Variants in TRPC4 observed in about 807,000 individuals in gnomAD.
TRPC4 encodes transient receptor potential cation channel subfamily C member 4.
TRPC4 carries 49 observed loss-of-function variants against 99.4 expected under a neutral mutation model. That is an observed-to-expected ratio of 0.49 (90% CI 0.39 to 0.63). TRPC4 has a LOEUF of 0.63. TRPC4 is among the 20% of genes least tolerant of loss of function. The pLI, the probability that TRPC4 is intolerant of heterozygous loss-of-function variation, is 0.00. For synonymous variants in TRPC4, 454 were observed against 425.9 expected, an observed-to-expected ratio of 1.07 and a Z score of -0.81; for missense variants, 898 against 1,152.9, an observed-to-expected ratio of 0.78 and a Z score of 3.20.
chr13:37,709,014 T>A (rs1184374812), intron 3 of TRPC4, among the ~76,000 whole-genome samples: 1 of 151,992 alleles, frequency 6.6e-6, no homozygotes, highest in African/African-American at 2.4e-5. Context: ...CTGTACAATT[T>A]ATAGGTCTTC....
intron 6 of TRPC4, among the ~76,000 whole-genome samples, chr13:37,663,189 A>G (rs1952510831): frequency 6.6e-6 from 1 of 152,244 alleles, no homozygotes; most frequent in African/African-American, 2.4e-5. Flanking sequence ...GTCATTTAGA[A>G]GAAAAGATGA....
chr13:37,745,015 A>T (rs552721203), intron 3 of TRPC4, among the ~76,000 whole-genome samples: 1 of 152,276 alleles, frequency 6.6e-6, no homozygotes, highest in African/African-American at 2.4e-5. Context: ...TGAGCAAGAT[A>T]TGAGAAAAGT....
chr13:37,807,670 C>A (rs1957562113), intron 1 of TRPC4, among the ~76,000 whole-genome samples: 1 of 151,960 alleles, frequency 6.6e-6, no homozygotes, highest in African/African-American at 2.4e-5. Context: ...AATAAATTAA[C>A]CTATGGAAGT....
chr13:37,702,563 G>A (rs1473462897), intron 3 of TRPC4, among the ~76,000 whole-genome samples: 3 of 152,140 alleles, frequency 2.0e-5, no homozygotes, highest in East Asian at 3.8e-4. Flanking sequence ...AAATATCACA[G>A]TGGTGAATTG....
intron 1 of TRPC4, among the ~76,000 whole-genome samples, chr13:37,789,990 T>C (rs1957074327): frequency 6.6e-6 from 1 of 152,076 alleles, no homozygotes; most frequent in Non-Finnish European, 1.5e-5. Flanking sequence ...AAAACATGCA[T>C]ATTAATCTCT....
chr13:37,746,781 C>T (rs1457545774), intron 2 of TRPC4, among the ~76,000 whole-genome samples: 6 of 152,034 alleles, frequency 3.9e-5, no homozygotes. Flanking sequence ...CCAGCTGACA[C>T]TATTTTCTTT....
chr13:37,665,840 C>CAAA (rs1168472231), intron 5 of TRPC4, among the ~76,000 whole-genome samples: 64 of 70,930 alleles, frequency 9.0e-4, no homozygotes, highest in African/African-American at 1.4e-3. Context: ...TCAGCTGAGA[C>CAAA]AAAAAAAAAA....
intron 9 of TRPC4, 46 bp from the exon 10 acceptor site, chr13:37,639,175 A>C (rs1298186423): frequency 1.9e-6 from 3 of 1,612,582 alleles, no homozygotes; most frequent in African/African-American, 1.3e-5. Flanking sequence ...TGAGTAAATA[A>C]ATTTCCTCCT....
At chr13:37,798,930 A>G (rs984278887) in intron 1 of TRPC4, among the ~76,000 whole-genome samples, 2 of 88,082 alleles carry the variant, frequency 2.3e-5, no homozygotes, top group Non-Finnish European at 4.1e-5. Flanking sequence ...AAAGGGAGGT[A>G]ATCTTTTTTT....
chr13:37,720,327 G>A (rs987205550), intron 3 of TRPC4, among the ~76,000 whole-genome samples: 1 of 152,086 alleles, frequency 6.6e-6, no homozygotes, highest in Non-Finnish European at 1.5e-5. Context: ...AAGGTGAAAA[G>A]GTATAGCTAT....
intron 1 of TRPC4, among the ~76,000 whole-genome samples, chr13:37,816,312 C>T (rs987193285): frequency 2.6e-5 from 4 of 151,762 alleles, no homozygotes; most frequent in Admixed American, 2.6e-4. Flanking sequence ...CACACACTGA[C>T]AATATTAGAC....
In TRPC4 at chr13:37,762,145, A is replaced by G. The variant is rs529128198; in HGVS notation, c.379-15690T>C. On this transcript the variant is annotated intron_variant, in intron 2 of 10. Transcript: ENST00000379705. ...CTAACTCTTAGATTGTTTAGTTGAC[A>G]GACTTCACTTTTCTTTTTCAAAACT... Among the ~76,000 whole-genome samples, 45 of 151,948 alleles carry G rather than the reference A, an allele frequency of 3.0e-4. 1 individual carries two copies. The highest frequency in any genetic ancestry group is 6.8e-3 in the Middle Eastern group (2 of 294).
intron 1 of TRPC4, among the ~76,000 whole-genome samples, chr13:37,851,619 C>T (rs1179346206): frequency 6.6e-6 from 1 of 152,140 alleles, no homozygotes; most frequent in African/African-American, 2.4e-5. Context: ...ATTCATATTC[C>T]TAACACCAAA....
intron 1 of TRPC4, among the ~76,000 whole-genome samples, chr13:37,822,338 A>G (rs537211601): frequency 1.3e-5 from 2 of 152,132 alleles, no homozygotes; most frequent in South Asian, 2.1e-4. Flanking sequence ...GGTTAGTTAC[A>G]TATGTATACA....
Position 37,858,333 on chromosome 13 carries a change from C to G in TRPC4, c.-28+11262G>C, listed in dbSNP as rs138468030. ...TTGTGGGTGGGAATGTACATTAATA[C>G]AACCACAATGAAAAACAGTTTGGAG... On this transcript the variant is annotated intron_variant, in intron 1 of 10. Coordinates refer to ENST00000379705, the MANE Select transcript of TRPC4 (RefSeq NM_016179.4). Among the ~76,000 whole-genome samples the G allele has an allele frequency of 6.5e-3, 990 of 151,748 alleles. 11 individuals carry two copies. The highest frequency in any genetic ancestry group is 0.023 in the African/African-American group (946 of 41,512).
At chr13:37,721,064 A>G (rs1197784264) in intron 3 of TRPC4, among the ~76,000 whole-genome samples, 1 of 152,202 alleles carries the variant, frequency 6.6e-6, no homozygotes, top group Non-Finnish European at 1.5e-5. Context: ...CAGACTATAC[A>G]CAAAGCTTCC....
At chr13:37,826,388 G>T (rs1958209980) in intron 1 of TRPC4, among the ~76,000 whole-genome samples, 5 of 122,302 alleles carry the variant, frequency 4.1e-5, no homozygotes, top group African/African-American at 6.3e-5. Flanking sequence ...TTACATTTTG[G>T]CATGATTTTG....
chr13:37,795,291 C>T (rs147435163), intron 1 of TRPC4, among the ~76,000 whole-genome samples: 2 of 152,206 alleles, frequency 1.3e-5, no homozygotes, highest in East Asian at 3.9e-4. Flanking sequence ...AAAATACAAT[C>T]CCAACAGGTA....
At chr13:37,677,752 G>A (rs1023051364) in intron 4 of TRPC4, among the ~76,000 whole-genome samples, 1 of 152,130 alleles carries the variant, frequency 6.6e-6, no homozygotes, top group Non-Finnish European at 1.5e-5. Context: ...AACAGAACCA[G>A]TAGACAGAAA....
Sources: gnomAD v4.1 joint callset for allele counts (sites outside exome capture counted in the v4.1 genomes callset) on GRCh38, gnomAD v4.1.1 for gene constraint, MANE v1.5 for transcripts, NCBI Gene and HGNC (gene_info 2026-07-23, HGNC 2026-07-21) for gene names.